MAN2B1: variants seen among roughly 807,000 people sequenced by gnomAD.
MAN2B1 encodes the protein lysosomal alpha-mannosidase.
In MAN2B1, 99 loss-of-function variants were observed where a neutral mutation model predicts 127.5. The ratio of observed to expected loss-of-function variants is 0.78; its 90% CI spans 0.66 to 0.92. MAN2B1 has a LOEUF of 0.92. MAN2B1 is among the 40% of genes least tolerant of loss of function. The pLI is 0.00. For missense variants in MAN2B1, 1,304 were observed against 1,384.8 expected (o/e 0.94, Z 0.93); for synonymous variants, 573 against 568.8 (o/e 1.01, Z -0.11).
At chr19:12,649,790 C>T in intron 18 of MAN2B1, 123 bp downstream of exon 18, 1 of 875,012 alleles carries the variant, frequency 1.1e-6, no homozygotes. Context: ...CCTGGCTCCC[C>T]CGCCCTTCAC....
At chr19:12,649,551 G>T in intron 18 of MAN2B1, 123 bp from the exon 19 acceptor site, 1 of 671,536 alleles carries the variant, frequency 1.5e-6, no homozygotes, top group South Asian at 1.7e-5. Flanking sequence ...GCGCGATCTC[G>T]GCTCACTGCA....
Position 12,666,741 on chromosome 19 carries a change from A to G in MAN2B1, c.-40T>C. The stretch of plus-strand genomic sequence containing the variant: ...CTCCTGGGGTTCCCCGGCCCTGGAA[A>G]GGCCGGGCAAACGCCCCGCCCCCAG... On this transcript the variant is annotated 5_prime_UTR_variant, in exon 1 of 24. Transcript: ENST00000456935. 2 of 1,536,476 alleles carry G rather than the reference A, an allele frequency of 1.3e-6. No individual in the cohort carries two copies. Among genetic ancestry groups the G allele is most frequent in the South Asian group, 2.4e-5 (2 of 83,600 alleles).
In MAN2B1 at chr19:12,661,389, G is replaced by C. The variant is rs777879138; in HGVS notation, c.910-13C>G. Reference sequence around the variant, plus strand: ...GGTAATACCGGCCCTGCAGGCAAGAGGGGAGTCCTGAAGCCAGAGGATCCT... The same window carrying C: ...GGTAATACCGGCCCTGCAGGCAAGACGGGAGTCCTGAAGCCAGAGGATCCT... On this transcript the variant is annotated splice_polypyrimidine_tract_variant and intron_variant, in intron 6 of 23. Coordinates refer to ENST00000456935, the MANE Select transcript of MAN2B1 (RefSeq NM_000528.4). The C allele has an allele frequency of 4.6e-5, 71 of 1,560,260 alleles. 2 individuals carry two copies. In the South Asian group the frequency reaches 7.4e-4, roughly 16 times the overall value.
chr19:12,647,154 C>T lies in MAN2B1; in HGVS notation c.2923+79G>A. The stretch of plus-strand genomic sequence containing the variant: ...GACCTTTTTGGGTCCTGGCCAACAT[C>T]CCATGCCTCACACATTGCCCCCACC... On this transcript the variant is annotated intron_variant, in intron 23 of 23. Coordinates refer to ENST00000456935, the MANE Select transcript of MAN2B1 (RefSeq NM_000528.4). This position sits in a 1 kb window ranked among gnomAD's most constrained non-coding sequence, Gnocchi z 4.9. 4 of 1,336,714 alleles carry T rather than the reference C, an allele frequency of 3.0e-6. No homozygotes were observed. The highest frequency in any genetic ancestry group is 3.4e-5 in the Admixed American group (2 of 59,636). The allele number at this position is 1,336,714 out of a possible 1,614,324, so 82.8% of individuals were successfully genotyped here.
chr19:12,665,726 G>C lies in MAN2B1; in HGVS notation c.239C>G (p.Thr80Ser). Residue 80 changes from threonine (T) to serine (S), a missense_variant, in exon 2 of 24, where the codon ACC becomes AGC. Transcript: ENST00000456935. ...HTHDDVGWLK[T>S]VDQYFYGIKN... is the part of the protein sequence containing the mutation. ...ACTTCCATAAAAGTACTGGTCCACG[G>C]TTTTGAGCCAGCCCACGTCATCATG... The C allele has an allele frequency of 6.2e-7, 1 of 1,614,178 alleles. No individual in the cohort carries two copies.
intron 16 of MAN2B1, among the ~76,000 whole-genome samples, chr19:12,651,188 G>C (rs2145236910): frequency 6.6e-6 from 1 of 152,276 alleles, no homozygotes; most frequent in South Asian, 2.1e-4. Context: ...CATAGAATAG[G>C]ATTCTAGCTT....
rs1232229019 is a variant in MAN2B1, at chr19:12,663,695, C to A, written c.763+8G>T. The stretch of plus-strand genomic sequence containing the variant: ...CATGGCTGGCCCTGCCCTCACCAAG[C>A]CCCCTACCAGTGAAGAGGTCCGCGG... On this transcript the variant is annotated splice_region_variant and intron_variant, in intron 5 of 23. Coordinates refer to ENST00000456935, the MANE Select transcript of MAN2B1 (RefSeq NM_000528.4). The A allele has an allele frequency of 6.2e-7, 1 of 1,605,990 alleles. No individual in the cohort carries two copies. The highest frequency in any genetic ancestry group is 1.3e-5 in the African/African-American group (1 of 74,830).
intron 23 of MAN2B1, 77 bp from the exon 24 acceptor site, chr19:12,646,809 G>T: frequency 9.8e-7 from 1 of 1,024,414 alleles, no homozygotes; most frequent in South Asian, 1.3e-5. Flanking sequence ...TTCCTCCCCT[G>T]GGTCTAGACA....
Position 12,665,444 on chromosome 19 carries a change from C to G in MAN2B1, c.344G>C (p.Arg115Pro), listed in dbSNP as rs770824792. Residue 115 changes from arginine to proline, a missense_variant, in exon 3 of 24, where the codon CGC becomes CCC. Arg to Pro is a moderately radical substitution (Grantham distance 103). Coordinates refer to ENST00000456935, the MANE Select transcript of MAN2B1 (RefSeq NM_000528.4). ...ISALLADPTRRFIYVEIAFFS... is the reference protein window; with the variant it reads ...ISALLADPTRPFIYVEIAFFS... ...GAAGGCAATCTCCACGTAAATGAAG[C>G]GACGGGTGGGATCTGCCAGCAAGGC... is the stretch of plus-strand genomic sequence containing the variant. The G allele has an allele frequency of 1.9e-6, 3 of 1,614,034 alleles. No homozygotes were observed. The highest frequency in any genetic ancestry group is 1.7e-5 in the Admixed American group (1 of 60,020).
chr19:12,655,625 C>T, intron 14 of MAN2B1, 69 bp downstream of exon 14: 1 of 1,513,870 alleles, frequency 6.6e-7, no homozygotes, highest in Non-Finnish European at 9.0e-7. Flanking sequence ...GACCCAGAGT[C>T]CACACAGCTC....
At chr19:12,652,015 G>A (rs2023848902) in intron 16 of MAN2B1, 138 bp downstream of exon 16, 2 of 758,946 alleles carry the variant, frequency 2.6e-6, no homozygotes. Context: ...TTCCCCCGCT[G>A]ATCTGTGGGT....
At chr19:12,659,405 G>T (rs997740882) in intron 7 of MAN2B1, among the ~76,000 whole-genome samples, 10 of 150,244 alleles carry the variant, frequency 6.7e-5, no homozygotes, top group Non-Finnish European at 1.3e-4. Context: ...AGGTTCCAGC[G>T]ATTCTCCTGC....
At position 12,656,974 on chromosome 19, in the gene MAN2B1, C is replaced by G; in HGVS notation, c.1502G>C (p.Cys501Ser). The change falls in exon 12 of 24, where the codon TGC becomes TCC. Residue 501 changes from cysteine to serine, a missense_variant. By Grantham distance (112) the Cys-to-Ser change is moderately radical (BLOSUM62 -1). Coordinates refer to ENST00000456935, the MANE Select transcript of MAN2B1 (RefSeq NM_000528.4). ...TFCQQLNISI[C>S]PLSQTAARFQ... is the part of the protein sequence containing the mutation. ...GCGCGCCGCCGTCTGGCTGAGCGGGCAGATGCTGATGTTTAGCTGTTGGCA... is the reference window on the plus strand; with the variant it reads ...GCGCGCCGCCGTCTGGCTGAGCGGGGAGATGCTGATGTTTAGCTGTTGGCA... The G allele has an allele frequency of 6.2e-6, 10 of 1,613,644 alleles. No homozygotes were observed. The highest frequency in any genetic ancestry group is 8.5e-6 in the Non-Finnish European group (10 of 1,179,964).
chr19:12,650,648 G>A (rs544348521), intron 16 of MAN2B1, among the ~76,000 whole-genome samples: 7 of 150,928 alleles, frequency 4.6e-5, no homozygotes, highest in East Asian at 3.9e-4. Context: ...GTGAGCCACC[G>A]CGCCTGGCCC....
intron 4 of MAN2B1, 102 bp from the exon 5 acceptor site, chr19:12,663,937 A>C: frequency 6.7e-7 from 1 of 1,487,688 alleles, no homozygotes; most frequent in South Asian, 1.1e-5. Context: ...CAGGTTAAAA[A>C]GCAGTGCTAG....
At chr19:12,650,287 C>T in intron 16 of MAN2B1, 65 bp from the exon 17 acceptor site, 1 of 1,019,976 alleles carries the variant, frequency 9.8e-7, no homozygotes, top group Non-Finnish European at 1.6e-6. Context: ...CTACAAATGT[C>T]CCCCAACCCT....
At chr19:12,657,847 C>A in intron 10 of MAN2B1, 1 of 609,408 alleles carries the variant, frequency 1.6e-6, no homozygotes, top group Non-Finnish European at 2.8e-6. Flanking sequence ...CCCAGCTACT[C>A]GGGAGGCTGA....
At position 12,663,341 on chromosome 19, in the gene MAN2B1, G is replaced by A; in HGVS notation, c.885C>T (p.Tyr295=). 1.2e-6 allele frequency: 2 copies of A among 1,614,244 alleles called. No homozygotes were observed. Among genetic ancestry groups the A allele is most frequent in the South Asian group, 2.2e-5 (2 of 91,086 alleles). ...CCTGGGCAGTGGCCACATTTAGGAA[G>A]TAATCGACCAGCTCCTTGGCGTTGT... ...PEYNAKELVD[Y]FLNVATAQGR... Residue 295 remains tyrosine (Y), a synonymous_variant, in exon 6 of 24, where the codon TAC becomes TAT. Coordinates refer to ENST00000456935, the MANE Select transcript of MAN2B1 (RefSeq NM_000528.4).
chr19:12,658,174 C>A lies in MAN2B1; in HGVS notation c.1231-33G>T, dbSNP rs750601409. On this transcript the variant is annotated intron_variant, in intron 9 of 23. Transcript: ENST00000456935. ...CAGAGGGGTATGTTGGGGCGCCCAG[C>A]CTGTCGGGCCTCGGGGCTGCATGCC... is the stretch of plus-strand genomic sequence containing the variant. The A allele has an allele frequency of 5.6e-6, 9 of 1,613,520 alleles. No individual in the cohort carries two copies. In the African/African-American group the frequency reaches 6.7e-5, roughly 12 times the overall value.
Sources: allele counts gnomAD v4.1 joint callset (sites outside exome capture counted in the v4.1 genomes callset), GRCh38; gene constraint gnomAD v4.1.1; non-coding constraint Gnocchi (gnomAD v3.1); transcripts MANE v1.5; gene names NCBI Gene and HGNC (gene_info 2026-07-23, HGNC 2026-07-21).